Variants in OGDHL observed in about 807,000 individuals in gnomAD.
OGDHL encodes 2-oxoglutarate dehydrogenase-like, mitochondrial.
Under a neutral mutation model 109.6 loss-of-function variants are expected in OGDHL, and 79 were observed. That is an observed-to-expected ratio of 0.72 (90% CI 0.60 to 0.87). The LOEUF is 0.87. Among genes scored for constraint, OGDHL ranks in the 40% least tolerant of loss-of-function variants. The pLI, the probability that OGDHL is intolerant of heterozygous loss-of-function variation, is 0.00. For synonymous variants in OGDHL, 528 were observed against 537.2 expected (o/e 0.98, Z 0.24); for missense variants, 1,275 against 1,362.2 (o/e 0.94, Z 1.01).
intron 3 of OGDHL, among the ~76,000 whole-genome samples, chr10:49,753,071 T>C (rs556345554): frequency 6.6e-6 from 1 of 151,294 alleles, no homozygotes; most frequent in Admixed American, 6.6e-5. Flanking sequence ...CGCATGGATA[T>C]GGGCGATCCA....
Position 49,744,705 on chromosome 10 carries a change from C to A in OGDHL, c.1677G>T (p.Arg559Ser). ...TATGCAGAATCTTTTTATCCTTGGA[C>A]CTGCCATAAGCCTCCTCACAGATCC... Reference protein sequence around the residue: ...YDRICEEAYGRSKDKKILHIK... With the variant: ...YDRICEEAYGSSKDKKILHIK... Residue 559 changes from arginine to serine, a missense_variant, in exon 13 of 23, where the codon AGG becomes AGT. Coordinates refer to ENST00000374103, the MANE Select transcript of OGDHL (RefSeq NM_018245.3). The A allele has an allele frequency of 6.2e-7, 1 of 1,614,202 alleles. No homozygotes were observed. Among genetic ancestry groups the A allele is most frequent in the Non-Finnish European group, 8.5e-7 (1 of 1,180,022 alleles).
In OGDHL at chr10:49,738,177, G is replaced by A. The variant is rs1333551965; in HGVS notation, c.2391+14C>T. ...AGGGCGCGTCCCTGTCCTGGGGACAGCAGCAACACTCACAGGGTAGGCATC... is the reference window on the plus strand; with the variant it reads ...AGGGCGCGTCCCTGTCCTGGGGACAACAGCAACACTCACAGGGTAGGCATC... On this transcript the variant is annotated intron_variant, in intron 18 of 22. Coordinates refer to ENST00000374103, the MANE Select transcript of OGDHL (RefSeq NM_018245.3). 6.2e-7 allele frequency: 1 copy of A among 1,614,148 alleles called. No individual in the cohort carries two copies. Among genetic ancestry groups the A allele is most frequent in the Non-Finnish European group, 8.5e-7 (1 of 1,180,014 alleles).
chr10:49,740,785 G>C lies in OGDHL; in HGVS notation c.2065C>G (p.Pro689Ala). ...TGGTCAGGCCAGAGATGATTCATAG[G>C]CACACACGTCCTGCGGTCAACCTCC... ...DQEVDRRTCV[P>A]MNHLWPDQAP... Residue 689 changes from proline to alanine, a missense_variant, in exon 16 of 23, where the codon CCT becomes GCT. Pro to Ala is a conservative substitution (Grantham distance 27, BLOSUM62 -1). Coordinates refer to ENST00000374103, the MANE Select transcript of OGDHL (RefSeq NM_018245.3). The C allele has an allele frequency of 6.2e-7, 1 of 1,613,964 alleles. No individual in the cohort carries two copies. Among genetic ancestry groups the C allele is most frequent in the East Asian group, 2.2e-5 (1 of 44,876 alleles).
chr10:49,744,501 C>T (rs1466456415), intron 13 of OGDHL, 149 bp downstream of exon 13: 2 of 645,906 alleles, frequency 3.1e-6, no homozygotes, highest in Admixed American at 5.6e-5. Context: ...CAGGAATCGG[C>T]CCCACGCAGC....
chr10:49,735,114 T>C lies in OGDHL; in HGVS notation c.*114A>G. The C allele has an allele frequency of 7.2e-7, 1 of 1,392,930 alleles. No individual in the cohort carries two copies. Among genetic ancestry groups the C allele is most frequent in the Non-Finnish European group, 9.8e-7 (1 of 1,024,612 alleles). 86.3% of individuals were successfully genotyped at this position (1,392,930 alleles called of 1,614,324 possible). ...CTTGGCCCTGTCACTGTGTCTGTTT[T>C]ATCCTGGGGCCCCACAGCCCCTCTC... On this transcript the variant is annotated 3_prime_UTR_variant, in exon 23 of 23. Coordinates refer to ENST00000374103, the MANE Select transcript of OGDHL (RefSeq NM_018245.3).
At chr10:49,753,327 T>C (rs1327844267) in intron 3 of OGDHL, among the ~76,000 whole-genome samples, 4 of 152,106 alleles carry the variant, frequency 2.6e-5, no homozygotes, top group Non-Finnish European at 4.4e-5. Flanking sequence ...CAAAATAGGA[T>C]AGAGAGGCAG....
At chr10:49,751,764 G>A in intron 6 of OGDHL, 63 bp downstream of exon 6, 1 of 1,573,140 alleles carries the variant, frequency 6.4e-7, no homozygotes, top group Non-Finnish European at 8.6e-7. Context: ...GGCAGGGTGT[G>A]GGACGTCTCA....
chr10:49,735,476 C>CT, intron 22 of OGDHL, 125 bp from the exon 23 acceptor site: 2 of 1,143,718 alleles, frequency 1.7e-6, no homozygotes, highest in Non-Finnish European at 2.5e-6. Flanking sequence ...TAGACCCTGC[C>CT]TTTTGGCCCT....
intron 8 of OGDHL, among the ~76,000 whole-genome samples, chr10:49,748,003 G>T (rs1842314489): frequency 1.3e-5 from 2 of 152,188 alleles, no homozygotes. Context: ...AAGATGAAAG[G>T]ATTCGAGAGC....
Position 49,735,254 on chromosome 10 carries a change from G to A in OGDHL, c.3007C>T (p.Gln1003Ter). ...KKFLDTAFNLQAFEGKTF is the reference protein window; with the variant it reads ...KKFLDTAFNL ...TAAAATGTCTTGCCCTCAAAGGCCTGGAGATTGAAGGCAGTATCCAGAAAC... is the reference window on the plus strand; with the variant it reads ...TAAAATGTCTTGCCCTCAAAGGCCTAGAGATTGAAGGCAGTATCCAGAAAC... The change falls in exon 23 of 23, where the codon CAG becomes TAG. Residue 1003 changes from glutamine to a stop codon, truncating the protein, a stop_gained. Transcript: ENST00000374103. LOFTEE classifies it high-confidence loss of function. 6.2e-7 allele frequency: 1 copy of A among 1,614,106 alleles called. No individual in the cohort carries two copies. The highest frequency in any genetic ancestry group is 1.3e-5 in the African/African-American group (1 of 75,070).
intron 1 of OGDHL, among the ~76,000 whole-genome samples, chr10:49,759,290 T>C (rs1475082195): frequency 2.0e-5 from 3 of 151,352 alleles, no homozygotes; most frequent in African/African-American, 7.3e-5. Context: ...AGGGCTAAGG[T>C]CTGGAGGGGC....
At chr10:49,757,129 A>G (rs553424342) in intron 2 of OGDHL, among the ~76,000 whole-genome samples, 183 bp from the exon 3 acceptor site, 1 of 152,360 alleles carries the variant, frequency 6.6e-6, no homozygotes, top group African/African-American at 2.4e-5. Context: ...AAAATTGACA[A>G]TGTGAAAACA....
Position 49,758,202 on chromosome 10 carries a change from C to T in OGDHL, c.204+187G>A, listed in dbSNP as rs3750758. Among the ~76,000 whole-genome samples the T allele has an allele frequency of 1.7e-3, 266 of 152,352 alleles. 9 individuals are homozygous for T. In the East Asian group the frequency reaches 0.045, roughly 26 times the overall value. On this transcript the variant is annotated intron_variant, in intron 2 of 22. Coordinates refer to ENST00000374103, the MANE Select transcript of OGDHL (RefSeq NM_018245.3). ...CATGGCCAGGGCCTCTCAATCAAAA[C>T]CACCACCCACTGGCTGATTCAGCAA...
rs1409534149 is a variant in OGDHL at position 49,741,552 on chromosome 10, G to C, written c.2013-715C>G. Among the ~76,000 whole-genome samples, 2 of 151,992 alleles carry C rather than the reference G, an allele frequency of 1.3e-5. 1 individual carries two copies. Among genetic ancestry groups the C allele is most frequent in the Non-Finnish European group, 2.9e-5 (2 of 67,976 alleles). On this transcript the variant is annotated intron_variant, in intron 15 of 22. Transcript: ENST00000374103. Reference sequence around the variant, plus strand: ...ACCCGAACCAGAGGAAATGTGGTGTGGACAACTGACAAGTGTCAAGTCCCC... The same window carrying C: ...ACCCGAACCAGAGGAAATGTGGTGTCGACAACTGACAAGTGTCAAGTCCCC...
chr10:49,753,531 C>T (rs1842738733), intron 3 of OGDHL, among the ~76,000 whole-genome samples: 1 of 151,988 alleles, frequency 6.6e-6, no homozygotes, highest in Admixed American at 6.6e-5. Flanking sequence ...TGGAACATTC[C>T]CTAAAGACAA....
At chr10:49,746,963 C>G in intron 9 of OGDHL, 66 bp downstream of exon 9, 1 of 1,607,292 alleles carries the variant, frequency 6.2e-7, no homozygotes, top group Non-Finnish European at 8.5e-7. Flanking sequence ...GACCCAGGGT[C>G]CAGCCCAGCC....
chr10:49,746,665 A>G, intron 10 of OGDHL, 85 bp downstream of exon 10: 1 of 1,544,304 alleles, frequency 6.5e-7, no homozygotes, highest in Non-Finnish European at 8.8e-7. Context: ...CAGAGCCAGG[A>G]GCATCTCACT....
intron 2 of OGDHL, 54 bp downstream of exon 2, chr10:49,758,335 C>A: frequency 6.5e-7 from 1 of 1,540,218 alleles, no homozygotes; most frequent in South Asian, 1.2e-5. Context: ...CACAGCCCGG[C>A]CCCCGAGGGC....
Position 49,740,682 on chromosome 10 carries a change from C to T in OGDHL, c.2140+28G>A, listed in dbSNP as rs142745579. The T allele has an allele frequency of 1.7e-3, 2,800 of 1,603,586 alleles. 3 individuals carry two copies. The highest frequency in any genetic ancestry group is 2.2e-3 in the Non-Finnish European group (2,553 of 1,173,372). On this transcript the variant is annotated intron_variant, in intron 16 of 22. Coordinates refer to ENST00000374103, the MANE Select transcript of OGDHL (RefSeq NM_018245.3). ...CTTGTCCCCAGGTGTCTGGGGCCTG[C>T]CTGGCCTGCAGGAGAGCGTGGACCC...
Sources: gnomAD v4.1 joint callset for allele counts (sites outside exome capture counted in the v4.1 genomes callset) on GRCh38, gnomAD v4.1.1 for gene constraint, MANE v1.5 for transcripts, NCBI Gene and HGNC (gene_info 2026-07-23, HGNC 2026-07-21) for gene names.